PEAK1: variants seen among roughly 807,000 people sequenced by gnomAD.
The protein encoded by PEAK1 is pseudopodium enriched atypical kinase 1, also known as inactive tyrosine-protein kinase PEAK1.
PEAK1 carries 54 observed loss-of-function variants against 124.7 expected under a neutral mutation model. That is an observed-to-expected ratio of 0.43 (90% CI 0.35 to 0.54). The LOEUF is 0.54. Among genes scored for constraint, PEAK1 ranks in the 20% least tolerant of loss-of-function variants. PEAK1 has a pLI of 0.01. For synonymous variants in PEAK1, 719 were observed against 760.0 expected, an observed-to-expected ratio of 0.95 and a Z score of 0.89; for missense variants, 2,046 against 2,134.5, an observed-to-expected ratio of 0.96 and a Z score of 0.82.
intron 8 of PEAK1, among the ~76,000 whole-genome samples, chr15:77,139,439 T>A (rs552758667): frequency 6.6e-6 from 1 of 152,280 alleles, no homozygotes; most frequent in African/African-American, 2.4e-5. Flanking sequence ...TGTGCTATAC[T>A]TTTATGACTG....
At chr15:77,339,115 C>CTT (rs398057842) in intron 2 of PEAK1, among the ~76,000 whole-genome samples, 2 of 139,440 alleles carry the variant, frequency 1.4e-5, no homozygotes, top group African/African-American at 2.6e-5. Context: ...AATGTTAAGA[C>CTT]TTTTTTTTTT....
intron 8 of PEAK1, among the ~76,000 whole-genome samples, chr15:77,137,915 G>A (rs933492848): frequency 1.3e-5 from 2 of 152,160 alleles, no homozygotes; most frequent in Admixed American, 1.3e-4. Flanking sequence ...GACCTGGTGG[G>A]AGGTAACTGA....
At chr15:77,161,164 G>A (rs150679939) in intron 7 of PEAK1, among the ~76,000 whole-genome samples, 85 of 152,256 alleles carry the variant, frequency 5.6e-4, no homozygotes, top group African/African-American at 1.6e-3. Context: ...ATTTCACAGG[G>A]CCTTCTCGAG....
At chr15:77,203,546 C>T (rs1440505403) in intron 6 of PEAK1, among the ~76,000 whole-genome samples, 1 of 151,950 alleles carries the variant, frequency 6.6e-6, no homozygotes, top group Non-Finnish European at 1.5e-5. Context: ...CTACAGTAAT[C>T]AAGACAGTAT....
chr15:77,152,207 C>A (rs2054698973), intron 8 of PEAK1, among the ~76,000 whole-genome samples: 1 of 152,018 alleles, frequency 6.6e-6, no homozygotes, highest in African/African-American at 2.4e-5. Context: ...CCTTCACATC[C>A]CTTGTAAGTT....
intron 1 of PEAK1, chr15:77,403,911 C>G: frequency 4.1e-6 from 4 of 982,372 alleles, no homozygotes; most frequent in Non-Finnish European, 3.6e-6. Context: ...TTTTAATTTC[C>G]AACTTTTAGG....
intron 9 of PEAK1, among the ~76,000 whole-genome samples, chr15:77,117,287 G>A (rs571026546): frequency 4.6e-5 from 7 of 152,268 alleles, no homozygotes; most frequent in Admixed American, 1.3e-4. Context: ...TTTGCTACTA[G>A]CTGTATAACC....
At chr15:77,117,459 A>G (rs1198524431) in intron 9 of PEAK1, among the ~76,000 whole-genome samples, 1 of 152,244 alleles carries the variant, frequency 6.6e-6, no homozygotes, top group Non-Finnish European at 1.5e-5. Flanking sequence ...CAACACTGAT[A>G]ATGACTAAAG....
chr15:77,211,991 TTCC>T (rs1201775851), intron 6 of PEAK1, among the ~76,000 whole-genome samples: 6 of 152,128 alleles, frequency 3.9e-5, no homozygotes, highest in African/African-American at 1.4e-4. Context: ...ATTTACTGAG[TTCC>T]TCATCTTATC....
At chr15:77,269,538 G>T (rs1182132115) in intron 5 of PEAK1, among the ~76,000 whole-genome samples, 1 of 152,078 alleles carries the variant, frequency 6.6e-6, no homozygotes, top group Non-Finnish European at 1.5e-5. Context: ...CTAGACCTAA[G>T]AAATTAGATA....
chr15:77,313,392 A>T (rs992678151), intron 2 of PEAK1, among the ~76,000 whole-genome samples: 11 of 152,184 alleles, frequency 7.2e-5, no homozygotes, highest in African/African-American at 2.7e-4. Flanking sequence ...CAGAATAATC[A>T]AATAGTTTAT....
At chr15:77,264,219 A>G (rs928847449) in intron 5 of PEAK1, among the ~76,000 whole-genome samples, 22 of 151,756 alleles carry the variant, frequency 1.4e-4, no homozygotes, top group African/African-American at 4.8e-4. Context: ...CTCTCTCACC[A>G]CTCCTATTCA....
intron 5 of PEAK1, among the ~76,000 whole-genome samples, chr15:77,253,805 TTTTCTC>T (rs2060997029): frequency 1.3e-5 from 2 of 152,124 alleles, no homozygotes; most frequent in Admixed American, 1.3e-4. Context: ...ATTTTGAAGA[TTTTCTC>T]TTTATCTTTG....
chr15:77,314,290 G>A (rs555091942), intron 2 of PEAK1, among the ~76,000 whole-genome samples: 13 of 150,436 alleles, frequency 8.6e-5, no homozygotes, highest in Non-Finnish European at 1.3e-4. Context: ...AGTAAAACCT[G>A]ATACGAAAAA....
At chr15:77,299,383 C>T (rs948384461) in intron 2 of PEAK1, among the ~76,000 whole-genome samples, 1 of 152,138 alleles carries the variant, frequency 6.6e-6, no homozygotes, top group East Asian at 1.9e-4. Flanking sequence ...TCCCATCATC[C>T]CTAATAACTT....
At chr15:77,414,207 CTT>C (rs71145827) in intron 1 of PEAK1, among the ~76,000 whole-genome samples, 7 of 67,912 alleles carry the variant, frequency 1.0e-4, no homozygotes, top group Admixed American at 1.5e-4. Context: ...TTCTTTCCTT[CTT>C]TTTTTTTTTT....
intron 2 of PEAK1, among the ~76,000 whole-genome samples, chr15:77,357,363 C>A (rs949046961): frequency 6.6e-6 from 1 of 152,220 alleles, no homozygotes; most frequent in African/African-American, 2.4e-5. Flanking sequence ...ACCTCCGCCT[C>A]CGGGGTGCAA....
intron 6 of PEAK1, among the ~76,000 whole-genome samples, chr15:77,199,657 G>A (rs2152843510): frequency 6.6e-6 from 1 of 152,306 alleles, no homozygotes; most frequent in Middle Eastern, 3.4e-3. Context: ...TGCGGATATG[G>A]CAAAAATAGT....
intron 7 of PEAK1, among the ~76,000 whole-genome samples, chr15:77,166,459 A>G (rs190108872): frequency 2.6e-5 from 4 of 152,318 alleles, no homozygotes; most frequent in African/African-American, 4.8e-5. Context: ...ACATGGCAGG[A>G]TTATAACAGC....
Sources: gnomAD v4.1 joint callset for allele counts (sites outside exome capture counted in the v4.1 genomes callset) on GRCh38, gnomAD v4.1.1 for gene constraint, MANE v1.5 for transcripts, NCBI Gene and HGNC (gene_info 2026-07-23, HGNC 2026-07-21) for gene names.